The following CREB1 variants were observed in gnomAD, a reference collection of about 807,000 sequenced individuals.
CREB1 encodes cyclic AMP-responsive element-binding protein 1.
Under a neutral mutation model 42.0 loss-of-function variants are expected in CREB1, and 2 were observed. The observed-to-expected ratio is 0.05, with a 90% confidence interval of 0.02 to 0.15. CREB1 has a LOEUF of 0.15. CREB1 is among the 10% of genes least tolerant of loss of function. The pLI is 1.00. For missense variants in CREB1, 199 were observed against 388.9 expected (o/e 0.51, Z 4.11); for synonymous variants, 123 against 139.9 (o/e 0.88, Z 0.85).
chr2:207,559,402 A>G (rs1327302799), intron 2 of CREB1: 2 of 497,370 alleles, frequency 4.0e-6, no homozygotes, highest in Non-Finnish European at 5.2e-6. Context: ...ACTGAATTGT[A>G]TTGTGTCTCT....
At chr2:207,559,094 C>G (rs2081853840) in intron 2 of CREB1, 1 of 152,860 alleles carries the variant, frequency 6.5e-6, no homozygotes, top group Admixed American at 6.5e-5. Flanking sequence ...GCCCCACCTG[C>G]CTCTGTTGTT....
intron 7 of CREB1, among the ~76,000 whole-genome samples, chr2:207,594,371 A>C (rs1255829561): frequency 1.3e-5 from 2 of 152,122 alleles, no homozygotes; most frequent in Non-Finnish European, 2.9e-5. Flanking sequence ...GGTAAACAAC[A>C]ACTCCCCATT....
chr2:207,605,058 G>T lies in CREB1; in HGVS notation c.*8000G>T, dbSNP rs971667137. Among the ~76,000 whole-genome samples the T allele has an allele frequency of 4.6e-5, 7 of 152,150 alleles. No individual in the cohort carries two copies. Among genetic ancestry groups the T allele is most frequent in the African/African-American group, 1.7e-4 (7 of 41,424 alleles). Reference sequence around the variant, plus strand: ...TGTTCGTGTACAAGTATTTGAGTCCGTGTTTTCAATTATTTGGGGTATATG... The same window carrying T: ...TGTTCGTGTACAAGTATTTGAGTCCTTGTTTTCAATTATTTGGGGTATATG... On this transcript the variant is annotated 3_prime_UTR_variant, in exon 8 of 8. Transcript: ENST00000353267.
chr2:207,552,840 T>G (rs1262177126), intron 1 of CREB1, among the ~76,000 whole-genome samples: 1 of 152,056 alleles, frequency 6.6e-6, no homozygotes, highest in Non-Finnish European at 1.5e-5. Context: ...GATCTCGAAC[T>G]CCTGATCTCA....
intron 7 of CREB1, among the ~76,000 whole-genome samples, 164 bp from the exon 8 acceptor site, chr2:207,596,750 T>C (rs1036473463): frequency 6.6e-6 from 1 of 152,096 alleles, no homozygotes; most frequent in Non-Finnish European, 1.5e-5. Context: ...AATTTTAATA[T>C]AAGGTAATTT....
intron 1 of CREB1, among the ~76,000 whole-genome samples, chr2:207,540,723 G>A (rs1574769808): frequency 7.6e-6 from 1 of 131,668 alleles, no homozygotes; most frequent in South Asian, 2.4e-4. Context: ...TTCTTTTATT[G>A]CTTTACTTTA....
At chr2:207,588,726 T>TG (rs1327740112) in intron 7 of CREB1, among the ~76,000 whole-genome samples, 2 of 51,370 alleles carry the variant, frequency 3.9e-5, no homozygotes, top group Admixed American at 3.1e-4. Context: ...AACTGTTTTC[T>TG]GGTTTTTTTT....
intron 7 of CREB1, among the ~76,000 whole-genome samples, chr2:207,589,663 A>G (rs374956308): frequency 1.3e-5 from 2 of 152,250 alleles, no homozygotes; most frequent in South Asian, 2.1e-4. Context: ...AGTTTTCATC[A>G]TAAATTGTTG....
chr2:207,570,559 G>A (rs760297212), intron 5 of CREB1, among the ~76,000 whole-genome samples: 1 of 152,044 alleles, frequency 6.6e-6, no homozygotes, highest in Non-Finnish European at 1.5e-5. Context: ...ATGTCCTTTT[G>A]TTTTTGTGCA....
chr2:207,533,996 G>A (rs1007032730), intron 1 of CREB1, among the ~76,000 whole-genome samples: 1 of 152,176 alleles, frequency 6.6e-6, no homozygotes, highest in South Asian at 2.1e-4. Flanking sequence ...AAGATTGCGA[G>A]ATAAACATAA....
At position 207,597,080 on chromosome 2, in the gene CREB1, T is replaced by C. The variant is rs774268018; in HGVS notation, c.*22T>C. The C allele has an allele frequency of 1.3e-6, 2 of 1,581,504 alleles. No homozygotes were observed. Among genetic ancestry groups the C allele is most frequent in the African/African-American group, 1.4e-5 (1 of 72,610 alleles). On this transcript the variant is annotated 3_prime_UTR_variant, in exon 8 of 8. Transcript: ENST00000353267. ...TTAATTTGGGATTTAAATTTTCACC[T>C]GTTAAGGTGGAAAATGGACTGGCTT...
chr2:207,595,647 T>C (rs1410501059), intron 7 of CREB1, among the ~76,000 whole-genome samples: 1 of 152,010 alleles, frequency 6.6e-6, no homozygotes, highest in African/African-American at 2.4e-5. Context: ...CACTGCAACC[T>C]AAGACCTCCT....
intron 7 of CREB1, among the ~76,000 whole-genome samples, chr2:207,592,911 C>CAAAAAAGAAAAA (rs146008919): frequency 3.2e-4 from 46 of 145,200 alleles, no homozygotes; most frequent in South Asian, 6.7e-4. Flanking sequence ...GACTCCATCT[C>CAAAAAAGAAAAA]AAAAAAGAAA....
rs1164545175 is a variant in CREB1, at chr2:207,605,336, CTT to C, written c.*8280_*8281del. Among the ~76,000 whole-genome samples the C allele has an allele frequency of 6.6e-6, 1 of 152,144 alleles. No homozygotes were observed. The highest frequency in any genetic ancestry group is 2.4e-5 in the African/African-American group (1 of 41,438). ...AATGATGTGGAGCATCTTTTGTTGT[CTT>C]TGGCCATCTGCGTATCTTCTTTGAA... On this transcript the variant is annotated 3_prime_UTR_variant, in exon 8 of 8. Coordinates refer to ENST00000353267, the MANE Select transcript of CREB1 (RefSeq NM_004379.5).
chr2:207,548,537 G>A (rs932686487), intron 1 of CREB1, among the ~76,000 whole-genome samples: 5 of 152,060 alleles, frequency 3.3e-5, no homozygotes, highest in African/African-American at 9.7e-5. Flanking sequence ...GATCACCTAA[G>A]GTCAGGAGTT....
chr2:207,574,403 T>A (rs2082491666), intron 5 of CREB1, among the ~76,000 whole-genome samples: 1 of 152,242 alleles, frequency 6.6e-6, no homozygotes, highest in Non-Finnish European at 1.5e-5. Context: ...TATCTAAAAA[T>A]GCTTCTTCCA....
chr2:207,581,120 G>A (rs1360623368), intron 7 of CREB1: 1 of 212,510 alleles, frequency 4.7e-6, no homozygotes, highest in Non-Finnish European at 9.5e-6. Flanking sequence ...AGTAACAAAG[G>A]AAAAGGTTAA....
intron 7 of CREB1, among the ~76,000 whole-genome samples, chr2:207,595,052 G>A (rs1476501121): frequency 3.5e-5 from 5 of 144,746 alleles, no homozygotes; most frequent in South Asian, 2.2e-4. Flanking sequence ...GTAGAGTGCC[G>A]TGGTGCAATC....
Position 207,575,944 on chromosome 2 carries a change from C to A in CREB1, c.688+490C>A, listed in dbSNP as rs564657282. On this transcript the variant is annotated intron_variant, in intron 6 of 7. Transcript: ENST00000353267. Reference sequence around the variant, plus strand: ...TTCTGTTTCTCTGCTTCCCCCCCCCCCCCCAAAAGAAATTTAAATCTTCTG... The same window carrying A: ...TTCTGTTTCTCTGCTTCCCCCCCCCACCCCAAAAGAAATTTAAATCTTCTG... Among the ~76,000 whole-genome samples, 3 of 63,568 alleles carry A rather than the reference C, an allele frequency of 4.7e-5. 1 individual carries two copies. The highest frequency in any genetic ancestry group is 7.9e-5 in the African/African-American group (2 of 25,466). The allele number at this position is 63,568 out of a possible 152,430, so 41.7% of individuals were successfully genotyped here. A position where few individuals can be genotyped will look rare whatever the true frequency, so the allele number is the denominator to read the frequency against.
Sources: allele counts gnomAD v4.1 joint callset (sites outside exome capture counted in the v4.1 genomes callset), GRCh38; gene constraint gnomAD v4.1.1; transcripts MANE v1.5; gene names NCBI Gene and HGNC (gene_info 2026-07-23, HGNC 2026-07-21).